The following ITGB2 variants were observed in gnomAD, a reference collection of about 807,000 sequenced individuals.
ITGB2 encodes integrin beta-2.
In ITGB2, 56 loss-of-function variants were observed where a neutral mutation model predicts 86.8. That is an observed-to-expected ratio of 0.65 (90% confidence interval 0.52 to 0.81). ITGB2 has a LOEUF of 0.81. ITGB2 is among the 30% of genes least tolerant of loss of function. The pLI, the probability that ITGB2 is intolerant of heterozygous loss-of-function variation, is 0.00. For missense variants in ITGB2, 948 were observed against 1,061.2 expected, an observed-to-expected ratio of 0.89 and a Z score of 1.48; for synonymous variants, 457 against 450.4, an observed-to-expected ratio of 1.01 and a Z score of -0.19.
At chr21:44,895,570 G>T (rs186967054) in intron 8 of ITGB2, among the ~76,000 whole-genome samples, 1 of 150,874 alleles carries the variant, frequency 6.6e-6, no homozygotes, top group Admixed American at 6.6e-5. Flanking sequence ...GGCCAGGCAT[G>T]ATGGCTCACG....
intron 3 of ITGB2, among the ~76,000 whole-genome samples, 158 bp downstream of exon 3, chr21:44,910,126 C>T (rs1352250930): frequency 6.6e-6 from 1 of 152,180 alleles, no homozygotes. Context: ...ACATCAGAAC[C>T]TCAGGGGCCC....
At chr21:44,891,699 C>T in intron 11 of ITGB2, 110 bp downstream of exon 11, 5 of 1,272,892 alleles carry the variant, frequency 3.9e-6, no homozygotes, top group Non-Finnish European at 4.4e-6. Flanking sequence ...GATGCCTGCT[C>T]CGTGGGGTGG....
intron 11 of ITGB2, among the ~76,000 whole-genome samples, chr21:44,890,490 G>A (rs1221876128): frequency 6.6e-6 from 1 of 152,220 alleles, no homozygotes; most frequent in East Asian, 1.9e-4. Flanking sequence ...TCACTGTGGA[G>A]CTGTGTTGCA....
At chr21:44,926,018 T>C (rs1428910900) in intron 1 of ITGB2, among the ~76,000 whole-genome samples, 1 of 152,084 alleles carries the variant, frequency 6.6e-6, no homozygotes, top group Admixed American at 6.5e-5. Flanking sequence ...GGCAGGAAAA[T>C]GGTGTGAACC....
At chr21:44,925,210 T>C (rs1253479332), upstream of ITGB2, among the ~76,000 whole-genome samples, 3 of 151,508 alleles carry the variant, frequency 2.0e-5, no homozygotes. Context: ...GGGGTGGAAA[T>C]GCTCTGAAAT....
chr21:44,920,647 C>T (rs1279681721), intron 1 of ITGB2, among the ~76,000 whole-genome samples, 174 bp downstream of exon 1: 1 of 152,234 alleles, frequency 6.6e-6, no homozygotes, highest in Non-Finnish European at 1.5e-5. Context: ...GCAGGCACTT[C>T]CCCTTGCCGG....
In ITGB2 at chr21:44,889,427, C is replaced by T. The variant is rs145507744; in HGVS notation, c.1726G>A (p.Glu576Lys). 132 of 1,609,370 alleles carry T rather than the reference C, an allele frequency of 8.2e-5. No homozygotes were observed. The Middle Eastern group carries it at 8.3e-4, about 10-fold the overall frequency. ...PGFEGSACQC[E>K]RTTEGCLNPR... ...TTCAGGCAGCCCTCAGTGGTCCTCT[C>T]GCACTGGCACGCTGAGCCCTCAAAG... The change falls in exon 13 of 16, where the codon GAG (glutamate) becomes AAG (lysine). Residue 576 changes from glutamate (E) to lysine (K), a missense_variant. By Grantham distance (56) the Glu-to-Lys change is moderately conservative. Transcript: ENST00000652462.
chr21:44,909,911 T>C (rs1396554221), intron 3 of ITGB2, among the ~76,000 whole-genome samples: 4 of 152,248 alleles, frequency 2.6e-5, no homozygotes, highest in Non-Finnish European at 4.4e-5. Flanking sequence ...CTGCTGACTC[T>C]GCAGGAAAGC....
At chr21:44,908,745 GACTC>G in intron 3 of ITGB2, among the ~76,000 whole-genome samples, 1 of 152,328 alleles carries the variant, frequency 6.6e-6, no homozygotes, top group African/African-American at 2.4e-5. Flanking sequence ...CTGGAGCCCA[GACTC>G]TCAGGGAAAG....
At position 44,900,409 on chromosome 21, in the gene ITGB2, C is replaced by T. The variant is rs148775158; in HGVS notation, c.808G>A (p.Ala270Thr). 46 of 1,614,074 alleles carry T rather than the reference C, an allele frequency of 2.8e-5. No individual in the cohort carries two copies. The highest frequency in any genetic ancestry group is 1.9e-4 in the African/African-American group (14 of 75,060). The change falls in exon 7 of 16, where the codon GCG (alanine) becomes ACG (threonine). Residue 270 changes from alanine (A) to threonine (T), a missense_variant. Ala to Thr is a moderately conservative substitution (Grantham distance 58, BLOSUM62 0). Coordinates refer to ENST00000652462, the MANE Select transcript of ITGB2 (RefSeq NM_000211.5). ...VFATDDGFHF[A>T]GDGKLGAILT... ...ATGGCGCCCAGCTTCCCGTCGCCCG[C>T]GAAATGGAAGCCGTCATCAGTGGCA... is the stretch of plus-strand genomic sequence containing the variant.
intron 1 of ITGB2, chr21:44,926,843 G>T: frequency 6.6e-6 from 1 of 152,434 alleles, no homozygotes; most frequent in Non-Finnish European, 1.5e-5. Context: ...GGTTGGTTGA[G>T]CCTTTCCCTG....
At chr21:44,904,564 C>T (rs1204148814) in intron 4 of ITGB2, among the ~76,000 whole-genome samples, 1 of 151,144 alleles carries the variant, frequency 6.6e-6, no homozygotes, top group Non-Finnish European at 1.5e-5. Flanking sequence ...TCATACACAA[C>T]ACCAGACACA....
In ITGB2 at chr21:44,901,685, T is replaced by C. The variant is rs949358943; in HGVS notation, c.548A>G (p.His183Arg). 6.2e-7 allele frequency: 1 copy of C among 1,613,604 alleles called. No homozygotes were observed. The highest frequency in any genetic ancestry group is 8.5e-7 in the Non-Finnish European group (1 of 1,179,504). Residue 183 changes from histidine to arginine, a missense_variant, in exon 6 of 16, where the codon CAC becomes CGC. By Grantham distance (29) the His-to-Arg change is conservative. Transcript: ENST00000652462. ...DKTVLPFVNT[H>R]PDKLRNPCPN... ...GCATGGGTTTCGCAGCTTATCAGGGTGCGTGTTCACGAACGGCAGCACGGT... is the reference window on the plus strand; with the variant it reads ...GCATGGGTTTCGCAGCTTATCAGGGCGCGTGTTCACGAACGGCAGCACGGT...
At position 44,888,691 on chromosome 21, in the gene ITGB2, A is replaced by C. The variant is rs1438389239; in HGVS notation, c.2080+2T>G. On this transcript the variant is annotated splice_donor_variant, in intron 14 of 15. Transcript: ENST00000652462. LOFTEE classifies it high-confidence loss of function. ...GTCCCCGCTGCACCCCAGCGGCCTC[A>C]CCTCGGCTCTCATCCACATAGATGA... 6.2e-7 allele frequency: 1 copy of C among 1,607,116 alleles called. No individual in the cohort carries two copies. Among genetic ancestry groups the C allele is most frequent in the Non-Finnish European group, 8.5e-7 (1 of 1,179,892 alleles).
chr21:44,907,598 G>T (rs1376481597), intron 3 of ITGB2, among the ~76,000 whole-genome samples: 3 of 152,272 alleles, frequency 2.0e-5, no homozygotes, highest in African/African-American at 7.2e-5. Context: ...TGGGCCCAGG[G>T]CGCTTTCCTC....
At chr21:44,915,394 C>T (rs548656338) in intron 1 of ITGB2, among the ~76,000 whole-genome samples, 2 of 152,262 alleles carry the variant, frequency 1.3e-5, no homozygotes, top group Non-Finnish European at 2.9e-5. Flanking sequence ...GCCCCGCAGA[C>T]CCATTGGAAC....
chr21:44,893,863 C>T lies in ITGB2; in HGVS notation c.1084-319G>A, dbSNP rs73906935. 1,012 of 374,682 alleles carry T rather than the reference C, an allele frequency of 2.7e-3. 8 individuals carry two copies. The highest frequency in any genetic ancestry group is 0.021 in the African/African-American group (979 of 47,644). The allele number at this position is 374,682 out of a possible 1,614,324, so 23.2% of individuals were successfully genotyped here. On this transcript the variant is annotated intron_variant, in intron 9 of 15. Coordinates refer to ENST00000652462, the MANE Select transcript of ITGB2 (RefSeq NM_000211.5). ...GCAGGAGCTGCATAAATTGTTCAAGCGATAAGAGAGATGGGGAGAAACAGA... is the reference window on the plus strand; with the variant it reads ...GCAGGAGCTGCATAAATTGTTCAAGTGATAAGAGAGATGGGGAGAAACAGA...
At position 44,911,875 on chromosome 21, in the gene ITGB2, C is replaced by T. The variant is rs1315132785; in HGVS notation, c.-3-1090G>A. ...CCCTCCATCCGGGAGGTGCCCAAACCAGGCCTAGGTCGGCTCCTTGGGGGG... is the reference window on the plus strand; with the variant it reads ...CCCTCCATCCGGGAGGTGCCCAAACTAGGCCTAGGTCGGCTCCTTGGGGGG... On this transcript the variant is annotated intron_variant, in intron 1 of 15. Transcript: ENST00000652462. Among the ~76,000 whole-genome samples the T allele has an allele frequency of 5.9e-5, 9 of 152,250 alleles. No homozygotes were observed. The South Asian group carries it at 1.0e-3, about 18-fold the overall frequency.
chr21:44,900,478 G>A lies in ITGB2; in HGVS notation c.742-3C>T, dbSNP rs775152625. 3 of 1,613,852 alleles carry A rather than the reference G, an allele frequency of 1.9e-6. No individual in the cohort carries two copies. The highest frequency in any genetic ancestry group is 1.7e-6 in the Non-Finnish European group (2 of 1,179,948). ...ACGTTGCGCCAGCCGATTTCCTCCT[G>A]AGAAGAAGGCGTGGGGGGCAGGGTT... On this transcript the variant is annotated splice_polypyrimidine_tract_variant and splice_region_variant and intron_variant, in intron 6 of 15. Transcript: ENST00000652462.
Sources: allele counts gnomAD v4.1 joint callset (sites outside exome capture counted in the v4.1 genomes callset), GRCh38; gene constraint gnomAD v4.1.1; transcripts MANE v1.5; gene names NCBI Gene and HGNC (gene_info 2026-07-23, HGNC 2026-07-21).